Variants in AP2B1 observed in about 807,000 individuals in gnomAD.
AP2B1 encodes the protein adaptor related protein complex 2 subunit beta 1.
AP2B1 carries 23 observed loss-of-function variants against 102.0 expected under a neutral mutation model. The observed-to-expected ratio is 0.23, with a 90% confidence interval of 0.16 to 0.32. AP2B1 has a LOEUF of 0.32. AP2B1 is among the 10% of genes least tolerant of loss of function. AP2B1 has a pLI of 1.00. For missense variants in AP2B1, 541 were observed against 1,157.4 expected, an observed-to-expected ratio of 0.47 and a Z score of 7.73; for synonymous variants, 381 against 421.2, an observed-to-expected ratio of 0.90 and a Z score of 1.17.
At chr17:35,594,356 G>A (rs939958240) in intron 2 of AP2B1, among the ~76,000 whole-genome samples, 2 of 152,078 alleles carry the variant, frequency 1.3e-5, no homozygotes, top group African/African-American at 2.4e-5. Context: ...AGTGTGAGGA[G>A]GACAAAAGAA....
chr17:35,606,864 A>G (rs1015462460), intron 4 of AP2B1, among the ~76,000 whole-genome samples: 2 of 151,996 alleles, frequency 1.3e-5, no homozygotes, highest in Non-Finnish European at 2.9e-5. Flanking sequence ...AATCTTTCCT[A>G]TCATAGATTT....
chr17:35,712,834 A>G (rs1252746613), intron 20 of AP2B1, among the ~76,000 whole-genome samples: 3 of 152,208 alleles, frequency 2.0e-5, no homozygotes, highest in African/African-American at 7.2e-5. Context: ...TAAAATCACA[A>G]AATACTTATT....
At chr17:35,709,164 CT>C in intron 18 of AP2B1, 59 bp from the exon 19 acceptor site, 5 of 1,450,716 alleles carry the variant, frequency 3.4e-6, no homozygotes, top group Non-Finnish European at 4.8e-6. Flanking sequence ...CAGCGCTGTT[CT>C]TTTCCTCCTA....
At chr17:35,708,761 C>A (rs2076393412) in intron 18 of AP2B1, among the ~76,000 whole-genome samples, 1 of 151,882 alleles carries the variant, frequency 6.6e-6, no homozygotes, top group Non-Finnish European at 1.5e-5. Flanking sequence ...AATCGTAATT[C>A]TTCTGTGTAC....
intron 18 of AP2B1, among the ~76,000 whole-genome samples, chr17:35,698,395 G>A (rs1166266640): frequency 6.6e-6 from 1 of 152,062 alleles, no homozygotes; most frequent in African/African-American, 2.4e-5. Context: ...CTGCAGCCTT[G>A]ACCTCCCAGA....
At chr17:35,589,768 G>A (rs913554035) in intron 1 of AP2B1, among the ~76,000 whole-genome samples, 13 of 152,168 alleles carry the variant, frequency 8.5e-5, no homozygotes, top group African/African-American at 2.7e-4. Context: ...GAAAGGTAGT[G>A]TGAGTTCAAA....
intron 5 of AP2B1, among the ~76,000 whole-genome samples, chr17:35,615,190 C>A (rs1190449959): frequency 6.6e-6 from 1 of 152,140 alleles, no homozygotes; most frequent in Admixed American, 6.5e-5. Flanking sequence ...CCTGGCTTGG[C>A]TGCTTACTAG....
intron 18 of AP2B1, among the ~76,000 whole-genome samples, chr17:35,696,197 C>T (rs2076138437): frequency 6.6e-6 from 1 of 152,082 alleles, no homozygotes; most frequent in African/African-American, 2.4e-5. Context: ...GGTATGCTGC[C>T]ACCTCATGAC....
intron 18 of AP2B1, among the ~76,000 whole-genome samples, chr17:35,696,278 T>G (rs1013590129): frequency 6.6e-6 from 1 of 152,146 alleles, no homozygotes; most frequent in Admixed American, 6.6e-5. Flanking sequence ...GCTTACTTAC[T>G]TACTTTAGGT....
chr17:35,666,875 C>T (rs2075478309), intron 14 of AP2B1, among the ~76,000 whole-genome samples: 1 of 152,174 alleles, frequency 6.6e-6, no homozygotes, highest in Non-Finnish European at 1.5e-5. Context: ...ATGATTCATA[C>T]CTGTAATCCC....
At chr17:35,701,678 C>G (rs1458482540) in intron 18 of AP2B1, among the ~76,000 whole-genome samples, 8 of 152,200 alleles carry the variant, frequency 5.3e-5, no homozygotes, top group Admixed American at 5.2e-4. Context: ...TCATAGTTCA[C>G]TGTAACCTTG....
intron 17 of AP2B1, among the ~76,000 whole-genome samples, chr17:35,676,692 T>G (rs2075708843): frequency 6.6e-6 from 1 of 152,246 alleles, no homozygotes; most frequent in Admixed American, 6.5e-5. Context: ...CCTCACCAAT[T>G]TTAGCCATTC....
rs1354828225 is a variant in AP2B1 at position 35,627,627 on chromosome 17, A to G, written c.1060-4A>G. The stretch of plus-strand genomic sequence containing the variant: ...AATGATTAACCACTTCCTGGGTTTA[A>G]CAGGTTCTGGCAGAACTGAAAGAAT... On this transcript the variant is annotated splice_polypyrimidine_tract_variant and splice_region_variant and intron_variant, in intron 8 of 21. Transcript: ENST00000610402. The G allele has an allele frequency of 6.2e-7, 1 of 1,613,734 alleles. No individual in the cohort carries two copies. Among genetic ancestry groups the G allele is most frequent in the Non-Finnish European group, 8.5e-7 (1 of 1,179,942 alleles).
intron 14 of AP2B1, among the ~76,000 whole-genome samples, chr17:35,664,764 G>C (rs544802296): frequency 1.3e-5 from 2 of 152,182 alleles, no homozygotes; most frequent in Non-Finnish European, 2.9e-5. Context: ...GCGTAGGGGA[G>C]ACAAATGATA....
chr17:35,630,966 C>T (rs2074445268), intron 9 of AP2B1, among the ~76,000 whole-genome samples: 2 of 152,160 alleles, frequency 1.3e-5, no homozygotes, highest in Admixed American at 6.5e-5. Context: ...CCAGGAGAGG[C>T]AATGATTGCC....
At chr17:35,650,487 G>T in intron 12 of AP2B1, 43 bp from the exon 13 acceptor site, 2 of 1,600,118 alleles carry the variant, frequency 1.2e-6, no homozygotes, top group South Asian at 1.1e-5. Flanking sequence ...TCTGTATGGA[G>T]AACAGTTTCA....
chr17:35,692,766 A>C (rs2076064420), intron 18 of AP2B1, among the ~76,000 whole-genome samples: 1 of 152,212 alleles, frequency 6.6e-6, no homozygotes, highest in African/African-American at 2.4e-5. Context: ...GCTTTGAGCC[A>C]TGTGACCATG....
At chr17:35,642,582 G>A (rs2074813213) in intron 12 of AP2B1, among the ~76,000 whole-genome samples, 1 of 152,154 alleles carries the variant, frequency 6.6e-6, no homozygotes. Context: ...AGTGTAACTA[G>A]TATAATGATC....
chr17:35,665,586 T>C (rs2075448961), intron 14 of AP2B1, among the ~76,000 whole-genome samples: 1 of 152,214 alleles, frequency 6.6e-6, no homozygotes, highest in African/African-American at 2.4e-5. Flanking sequence ...TAGTTAAGTT[T>C]TATTGTTTGT....
Sources: gnomAD v4.1 joint callset for allele counts (sites outside exome capture counted in the v4.1 genomes callset) on GRCh38, gnomAD v4.1.1 for gene constraint, MANE v1.5 for transcripts, NCBI Gene and HGNC (gene_info 2026-07-23, HGNC 2026-07-21) for gene names.